The following PKP4 variants were observed in gnomAD, a reference collection of about 807,000 sequenced individuals.
PKP4 encodes the protein plakophilin 4, also known as plakophilin-4.
PKP4 carries 90 observed loss-of-function variants against 145.1 expected under a neutral mutation model. The observed-to-expected ratio is 0.62, with a 90% CI of 0.52 to 0.74. The LOEUF (loss-of-function observed/expected upper bound fraction) is 0.74, where lower values mean the gene tolerates loss of function less well. Among genes scored for constraint, PKP4 ranks in the 30% least tolerant of loss-of-function variants. PKP4 has a pLI of 0.00. For synonymous variants in PKP4, 563 were observed against 577.2 expected, an observed-to-expected ratio of 0.98 and a Z score of 0.35; for missense variants, 1,340 against 1,482.7, an observed-to-expected ratio of 0.90 and a Z score of 1.58.
intron 4 of PKP4, among the ~76,000 whole-genome samples, chr2:158,609,453 G>A (rs992176740): frequency 6.6e-6 from 1 of 152,152 alleles, no homozygotes; most frequent in Non-Finnish European, 1.5e-5. Context: ...ATTTAGGATT[G>A]AAGGTCCTCA....
intron 12 of PKP4, chr2:158,659,437 C>G (rs2056335226): frequency 6.6e-6 from 1 of 152,234 alleles, no homozygotes; most frequent in African/African-American, 2.4e-5. Flanking sequence ...TGAATGCCCT[C>G]TGTGTGAAAC....
chr2:158,662,414 T>C (rs2056680067), intron 13 of PKP4: 1 of 153,474 alleles, frequency 6.5e-6, no homozygotes, highest in Non-Finnish European at 1.4e-5. Context: ...AAAGACCATG[T>C]ACAGAAGGCA....
At chr2:158,459,166 A>G (rs1043630950) in intron 1 of PKP4, among the ~76,000 whole-genome samples, 1 of 152,204 alleles carries the variant, frequency 6.6e-6, no homozygotes, top group Non-Finnish European at 1.5e-5. Flanking sequence ...CTGTAGGAGT[A>G]TCTTCGTTTT....
At chr2:158,509,947 C>CAAA (rs11404706) in intron 1 of PKP4, among the ~76,000 whole-genome samples, 13 of 134,162 alleles carry the variant, frequency 9.7e-5, no homozygotes, top group South Asian at 2.3e-4. Context: ...AACTCCATCT[C>CAAA]AAAAAAAAAA....
At chr2:158,493,897 T>G (rs757094512) in intron 1 of PKP4, among the ~76,000 whole-genome samples, 1 of 152,210 alleles carries the variant, frequency 6.6e-6, no homozygotes, top group African/African-American at 2.4e-5. Context: ...TTTTTCAGTC[T>G]TCTTTCATTC....
intron 19 of PKP4, among the ~76,000 whole-genome samples, chr2:158,675,447 A>G (rs1358598859): frequency 6.6e-6 from 1 of 152,176 alleles, no homozygotes; most frequent in Admixed American, 6.5e-5. Context: ...TCATTAGCAC[A>G]TAGTTACTGA....
intron 1 of PKP4, among the ~76,000 whole-genome samples, chr2:158,521,261 G>T (rs1272787908): frequency 6.6e-6 from 1 of 152,174 alleles, no homozygotes. Context: ...TTGCCATTCT[G>T]GTGCTTGTGT....
intron 1 of PKP4, among the ~76,000 whole-genome samples, chr2:158,522,852 G>C (rs572666409): frequency 5.3e-4 from 80 of 152,320 alleles, no homozygotes; most frequent in African/African-American, 1.9e-3. Context: ...CCCTTTCCGA[G>C]TCAAAGAAAG....
At chr2:158,604,463 G>A (rs556178518) in intron 4 of PKP4, among the ~76,000 whole-genome samples, 4 of 152,182 alleles carry the variant, frequency 2.6e-5, no homozygotes, top group African/African-American at 9.7e-5. Context: ...AACAGCAGAG[G>A]TGTGAACTGG....
At chr2:158,469,779 T>C (rs1691260879) in intron 1 of PKP4, among the ~76,000 whole-genome samples, 1 of 152,230 alleles carries the variant, frequency 6.6e-6, no homozygotes, top group African/African-American at 2.4e-5. Context: ...TTTAAGGATT[T>C]GATCCATTTT....
At chr2:158,494,627 T>A (rs1695414697) in intron 1 of PKP4, among the ~76,000 whole-genome samples, 1 of 152,224 alleles carries the variant, frequency 6.6e-6, no homozygotes, top group African/African-American at 2.4e-5. Flanking sequence ...TTGCAAAGAC[T>A]TTTTCAAAGT....
chr2:158,613,837 A>C (rs894515489), intron 4 of PKP4, among the ~76,000 whole-genome samples: 2 of 152,242 alleles, frequency 1.3e-5, no homozygotes, highest in African/African-American at 4.8e-5. Context: ...TTAAAGAAAT[A>C]GTGTATTTAG....
rs370788611 is a variant in PKP4, at chr2:158,669,796, G to A, written c.2805G>A (p.Met935Ile). Residue 935 changes from methionine to isoleucine, a missense_variant, in exon 17 of 22, where the codon ATG becomes ATA. Coordinates refer to ENST00000389759, the MANE Select transcript of PKP4 (RefSeq NM_003628.6). ...NGPSVLSDET[M>I]AAICCALHEV... ...CCAGTGTCTTGTCTGATGAGACCATGGCAGCCATCTGCTGTGCTCTGCACG... is the reference window on the plus strand; with the variant it reads ...CCAGTGTCTTGTCTGATGAGACCATAGCAGCCATCTGCTGTGCTCTGCACG... 8 of 1,613,858 alleles carry A rather than the reference G, an allele frequency of 5.0e-6. No individual in the cohort carries two copies. The African/African-American group carries it at 6.7e-5, about 13-fold the overall frequency.
At chr2:158,499,786 A>T (rs1464968422) in intron 1 of PKP4, among the ~76,000 whole-genome samples, 1 of 152,242 alleles carries the variant, frequency 6.6e-6, no homozygotes, top group Admixed American at 6.5e-5. Flanking sequence ...CTAAATAAAA[A>T]ACTGCACCTG....
At chr2:158,591,482 C>A (rs564678492) in intron 3 of PKP4, among the ~76,000 whole-genome samples, 83 of 151,918 alleles carry the variant, frequency 5.5e-4, no homozygotes, top group African/African-American at 1.9e-3. Flanking sequence ...TAAGTTTGGC[C>A]ACATGTTCAT....
chr2:158,599,511 C>T (rs542785899), intron 3 of PKP4, among the ~76,000 whole-genome samples: 2 of 152,124 alleles, frequency 1.3e-5, no homozygotes, highest in Admixed American at 6.5e-5. Flanking sequence ...AATTTCAATA[C>T]GTTGAATCTG....
At chr2:158,660,615 T>C (rs932499394) in intron 12 of PKP4, 6 of 152,630 alleles carry the variant, frequency 3.9e-5, no homozygotes, top group African/African-American at 1.4e-4. Flanking sequence ...TAATGGGACA[T>C]AAAATAGATC....
At chr2:158,608,822 T>C (rs2050876329) in intron 4 of PKP4, among the ~76,000 whole-genome samples, 1 of 140,016 alleles carries the variant, frequency 7.1e-6, no homozygotes, top group Admixed American at 7.1e-5. Context: ...TTTTTTTTTT[T>C]TTTTTTTTTG....
chr2:158,475,447 T>C (rs1359734928), intron 1 of PKP4, among the ~76,000 whole-genome samples: 1 of 152,214 alleles, frequency 6.6e-6, no homozygotes. Flanking sequence ...ATTTTTACTT[T>C]CTTATTGTTC....
Sources: allele counts gnomAD v4.1 joint callset (sites outside exome capture counted in the v4.1 genomes callset), GRCh38; gene constraint gnomAD v4.1.1; transcripts MANE v1.5; gene names NCBI Gene and HGNC (gene_info 2026-07-23, HGNC 2026-07-21).